The following TELO2 variants were observed in gnomAD, a reference collection of about 807,000 sequenced individuals.
The protein encoded by TELO2 is telomere maintenance 2.
TELO2 carries 71 observed loss-of-function variants against 91.0 expected under a neutral mutation model. The observed-to-expected ratio is 0.78, with a 90% CI of 0.64 to 0.95. The LOEUF is 0.95. Among genes scored for constraint, TELO2 ranks in the 40% least tolerant of loss-of-function variants. The pLI is 0.00. For synonymous variants in TELO2, 584 were observed against 518.9 expected, an observed-to-expected ratio of 1.13 and a Z score of -1.71; for missense variants, 1,183 against 1,141.3, an observed-to-expected ratio of 1.04 and a Z score of -0.53.
At position 1,494,680 on chromosome 16, in the gene TELO2, G is replaced by A; in HGVS notation, c.335+64G>A. The A allele has an allele frequency of 2.7e-6, 4 of 1,503,666 alleles. No individual in the cohort carries two copies. The highest frequency in any genetic ancestry group is 3.6e-6 in the Non-Finnish European group (4 of 1,117,620). The allele number at this position is 1,503,666 out of a possible 1,614,324, so 93.1% of individuals were successfully genotyped here. A position where few individuals can be genotyped will look rare whatever the true frequency, so the allele number is the denominator to read the frequency against. On this transcript the variant is annotated intron_variant, in intron 2 of 20. Transcript: ENST00000262319. The surrounding 1 kb of genome is among the most constrained non-coding windows in gnomAD (Gnocchi z 5.6). The stretch of plus-strand genomic sequence containing the variant: ...TCAGAAGTGATGAGAGTGGCTTGAA[G>A]GACTGGACCAAGAGCCTCTCTAGTC...
rs754820309 is a variant in TELO2, at chr16:1,500,654, C to T, written c.1236C>T (p.Val412=). ...GCCTGGGCATGATCGTGGCAGAGGT[C>T]GTTAGTGCCCGGATCCACCCCGAGG... ...VRRLGMIVAE[V]VSARIHPEGP... The change falls in exon 9 of 21, where the codon GTC becomes GTT. Residue 412 remains valine, a synonymous_variant. Transcript: ENST00000262319. The T allele has an allele frequency of 1.8e-5, 29 of 1,612,564 alleles. No individual in the cohort carries two copies. The East Asian group carries it at 2.0e-4, about 11-fold the overall frequency.
In TELO2 at chr16:1,510,063, C is replaced by G; in HGVS notation, c.*127C>G. 1 of 768,942 alleles carries G rather than the reference C, an allele frequency of 1.3e-6. No individual in the cohort carries two copies. The highest frequency in any genetic ancestry group is 1.7e-5 in the South Asian group (1 of 57,200). 47.6% of individuals were successfully genotyped at this position (768,942 alleles called of 1,614,324 possible). ...TCGGCCGCATCCGGTACGGAGAGTG[C>G]AGATGCAGGAAGGCCCGGCCTGCCG... On this transcript the variant is annotated 3_prime_UTR_variant, in exon 21 of 21. Coordinates refer to ENST00000262319, the MANE Select transcript of TELO2 (RefSeq NM_016111.4).
At chr16:1,499,150 TGTGG>T in intron 5 of TELO2, 77 bp from the exon 6 acceptor site, 1 of 1,450,848 alleles carries the variant, frequency 6.9e-7, no homozygotes, top group Non-Finnish European at 9.7e-7. Flanking sequence ...GGCCGCCGTC[TGTGG>T]GCATCGGAGT....
At chr16:1,506,046 G>C (rs1251218478) in intron 16 of TELO2, among the ~76,000 whole-genome samples, 192 bp from the exon 17 acceptor site, 1 of 152,254 alleles carries the variant, frequency 6.6e-6, no homozygotes, top group African/African-American at 2.4e-5. Flanking sequence ...TGCTGTCCAG[G>C]CATTGGCCGC....
intron 15 of TELO2, among the ~76,000 whole-genome samples, chr16:1,504,499 C>T (rs1401169086): frequency 6.9e-6 from 1 of 145,128 alleles, no homozygotes; most frequent in Non-Finnish European, 1.5e-5. Flanking sequence ...TATATTTTAC[C>T]ACAATAAAGC....
chr16:1,506,381 G>T, intron 17 of TELO2, 52 bp downstream of exon 17: 2 of 1,612,530 alleles, frequency 1.2e-6, no homozygotes, highest in Non-Finnish European at 1.7e-6. Context: ...GACCCTGGAC[G>T]TACCACTGTG....
At position 1,510,270 on chromosome 16, in the gene TELO2, A is replaced by C. The variant is rs1403459459; in HGVS notation, c.*334A>C. ...GTGTACCTGCTGCTCAGAGCCCCCA[A>C]GGCTCTCCTCTGAGAGCCACCAAGC... On this transcript the variant is annotated 3_prime_UTR_variant, in exon 21 of 21. Coordinates refer to ENST00000262319, the MANE Select transcript of TELO2 (RefSeq NM_016111.4). The C allele has an allele frequency of 8.3e-6, 3 of 361,018 alleles. No individual in the cohort carries two copies. In the East Asian group the frequency reaches 2.0e-4, roughly 24 times the overall value. The allele number at this position is 361,018 out of a possible 1,614,324, so 22.4% of individuals were successfully genotyped here.
chr16:1,497,233 G>A lies in TELO2; in HGVS notation c.683-128G>A, dbSNP rs1407982653. 6.0e-6 allele frequency: 9 copies of A among 1,499,168 alleles called. No homozygotes were observed. The East Asian group carries it at 2.0e-4, about 33-fold the overall frequency. 92.9% of individuals were successfully genotyped at this position (1,499,168 alleles called of 1,614,324 possible). ...GTCCCCTTGCCCGGTCCTGTCCTGG[G>A]CCCGTGGGATCTGGGGCTCAGCTGT... On this transcript the variant is annotated intron_variant, in intron 4 of 20. Transcript: ENST00000262319. This position sits in a 1 kb window ranked among gnomAD's most constrained non-coding sequence, Gnocchi z 4.0.
Position 1,500,416 on chromosome 16 carries a change from C to T in TELO2, c.1072C>T (p.Arg358Cys), listed in dbSNP as rs1219804292. 1.2e-5 allele frequency: 20 copies of T among 1,605,326 alleles called. No homozygotes were observed. Among genetic ancestry groups the T allele is most frequent in the African/African-American group, 1.1e-4 (8 of 74,884 alleles). Residue 358 changes from arginine (R) to cysteine (C), a missense_variant, in exon 8 of 21, where the codon CGC becomes TGC. Arg to Cys is a radical substitution (Grantham distance 180). Coordinates refer to ENST00000262319, the MANE Select transcript of TELO2 (RefSeq NM_016111.4). ...CCGCCACACTCCCCTGCCGCAGCAG[C>T]GCCACGTCAGCAAGGCTGTCCTCAT... is the stretch of plus-strand genomic sequence containing the variant. ...AIRHTPLPQQRHVSKAVLICL... is the reference protein window; with the variant it reads ...AIRHTPLPQQCHVSKAVLICL...
chr16:1,504,628 A>G (rs576115721), intron 15 of TELO2, among the ~76,000 whole-genome samples: 17 of 115,494 alleles, frequency 1.5e-4, no homozygotes, highest in East Asian at 8.2e-4. Context: ...CGCGATCTTG[A>G]CTCACTGCAA....
Position 1,497,359 on chromosome 16 carries a change from A to C in TELO2, c.683-2A>C. The C allele has an allele frequency of 6.5e-7, 1 of 1,545,080 alleles. No homozygotes were observed. Among genetic ancestry groups the C allele is most frequent in the Non-Finnish European group, 8.7e-7 (1 of 1,144,150 alleles). ...GCTCAGGTCCTCCGTCTGTCCCCTC[A>C]GAGGAGATCCTGGGCGTGCTGGTAC... On this transcript the variant is annotated splice_acceptor_variant, in intron 4 of 20. Transcript: ENST00000262319. LOFTEE classifies it high-confidence loss of function. This position sits in a 1 kb window ranked among gnomAD's most constrained non-coding sequence, Gnocchi z 4.0.
chr16:1,501,515 C>T lies in TELO2; in HGVS notation c.1361+16C>T, dbSNP rs750195168. ...CGGAGGCGGGGTGAGGGTCTCTGCC[C>T]CCCGGGACCCCACCGCGTGCACATC... On this transcript the variant is annotated intron_variant, in intron 10 of 20. Transcript: ENST00000262319. 24 of 1,599,140 alleles carry T rather than the reference C, an allele frequency of 1.5e-5. No homozygotes were observed. Among genetic ancestry groups the T allele is most frequent in the Non-Finnish European group, 1.9e-5 (22 of 1,172,182 alleles).
At position 1,497,797 on chromosome 16, in the gene TELO2, C is replaced by T. The variant is rs907721217; in HGVS notation, c.830+289C>T. Among the ~76,000 whole-genome samples, 2 of 152,184 alleles carry T rather than the reference C, an allele frequency of 1.3e-5. No homozygotes were observed. Among genetic ancestry groups the T allele is most frequent in the Non-Finnish European group, 2.9e-5 (2 of 68,036 alleles). ...CCCGTCCTGCGCCTGTGGTCCCCCT[C>T]GCACACGTGTGCACCATGTCCAGGC... On this transcript the variant is annotated intron_variant, in intron 5 of 20. Coordinates refer to ENST00000262319, the MANE Select transcript of TELO2 (RefSeq NM_016111.4). This position sits in a 1 kb window ranked among gnomAD's most constrained non-coding sequence, Gnocchi z 4.0.
intron 13 of TELO2, 65 bp from the exon 14 acceptor site, chr16:1,502,580 C>T (rs1448514487): frequency 1.3e-6 from 2 of 1,570,638 alleles, no homozygotes; most frequent in Non-Finnish European, 1.7e-6. Flanking sequence ...GCCCTGTGAG[C>T]CTCGGTGAGG....
intron 19 of TELO2, 95 bp downstream of exon 19, chr16:1,507,465 G>A (rs755200953): frequency 6.5e-7 from 1 of 1,532,138 alleles, no homozygotes; most frequent in Non-Finnish European, 8.8e-7. Context: ...TGGCTGACAG[G>A]CAGCCTGGCC....
At chr16:1,501,915 C>T in intron 11 of TELO2, 132 bp from the exon 12 acceptor site, 1 of 1,459,946 alleles carries the variant, frequency 6.8e-7, no homozygotes, top group South Asian at 1.1e-5. Flanking sequence ...CCCGCAGCTC[C>T]CAGCTCCACC....
intron 3 of TELO2, 66 bp from the exon 4 acceptor site, chr16:1,496,970 C>G: frequency 6.5e-7 from 1 of 1,530,504 alleles, no homozygotes; most frequent in Non-Finnish European, 9.0e-7. Context: ...GCAGCTCTCC[C>G]CACACCTAGA....
At chr16:1,500,246 G>T (rs1054410987) in intron 7 of TELO2, 82 bp downstream of exon 7, 60 of 1,530,528 alleles carry the variant, frequency 3.9e-5, no homozygotes, top group Middle Eastern at 2.3e-4. Context: ...GGCAGGGTGA[G>T]GCTGGCTGGG....
Position 1,499,947 on chromosome 16 carries a change from G to T in TELO2, c.934-149G>T, listed in dbSNP as rs115745958. ...GCTTCTGCGGGAGGGGAGGGGTCCC[G>T]CATTCCAGGAGGCAGTGGCCGCCCC... is the stretch of plus-strand genomic sequence containing the variant. On this transcript the variant is annotated intron_variant, in intron 6 of 20. Coordinates refer to ENST00000262319, the MANE Select transcript of TELO2 (RefSeq NM_016111.4). 1.7e-3 allele frequency: 1,513 copies of T among 891,344 alleles called. 25 individuals are homozygous for T. In the African/African-American group the frequency reaches 0.022, roughly 13 times the overall value. The allele number at this position is 891,344 out of a possible 1,614,324, so 55.2% of individuals were successfully genotyped here. A position where few individuals can be genotyped will look rare whatever the true frequency, so the allele number is the denominator to read the frequency against.
Sources: allele counts gnomAD v4.1 joint callset (sites outside exome capture counted in the v4.1 genomes callset), GRCh38; gene constraint gnomAD v4.1.1; non-coding constraint Gnocchi (gnomAD v3.1); transcripts MANE v1.5; gene names NCBI Gene and HGNC (gene_info 2026-07-23, HGNC 2026-07-21).